Variants in SEC14L3 observed in about 807,000 individuals in gnomAD.
SEC14L3 encodes the protein SEC14-like protein 3.
SEC14L3 carries 56 observed loss-of-function variants against 57.4 expected under a neutral mutation model. That is an observed-to-expected ratio of 0.97 (90% CI 0.79 to 1.22). SEC14L3 has a LOEUF of 1.22. Ranked by LOEUF, SEC14L3 falls within the 50% of genes most tolerant of loss-of-function variation. The pLI is 0.00. For missense variants in SEC14L3, 485 were observed against 511.7 expected (o/e 0.95, Z 0.50); for synonymous variants, 173 against 194.4 (o/e 0.89, Z 0.92).
rs770647142 is a variant in SEC14L3 at position 30,460,026 on chromosome 22, C to T, written c.1198G>A (p.Val400Ile). ...CTGAGAAATGAGGGAGCCACCTAGACAGGGGTGAGCTCCTTATCATATTTC... is the reference window on the plus strand; with the variant it reads ...CTGAGAAATGAGGGAGCCACCTAGATAGGGGTGAGCTCCTTATCATATTTC... ...MQKYDKELTP[V>I] Residue 400 changes from valine to isoleucine, a missense_variant, in exon 12 of 12, where the codon GTC becomes ATC. Val to Ile is a conservative substitution (Grantham distance 29). Coordinates refer to ENST00000215812, the MANE Select transcript of SEC14L3 (RefSeq NM_174975.5). 1.9e-6 allele frequency: 3 copies of T among 1,614,052 alleles called. No individual in the cohort carries two copies. The South Asian group carries it at 3.3e-5, about 18-fold the overall frequency.
At chr22:30,448,989 A>T in exon 13 of SEC14L3, 7 of 1,160,534 alleles carry the variant, frequency 6.0e-6, no homozygotes, top group Non-Finnish European at 6.2e-6. Flanking sequence ...GCAGCATGGC[A>T]AGGCGGTCAG....
At chr22:30,465,770 A>G (rs1464221865) in intron 7 of SEC14L3, among the ~76,000 whole-genome samples, 1 of 152,208 alleles carries the variant, frequency 6.6e-6, no homozygotes, top group Non-Finnish European at 1.5e-5. Flanking sequence ...CAAGCAACCA[A>G]CTGGCCAGTC....
At chr22:30,469,973 G>A (rs759930770) in intron 4 of SEC14L3, 46 bp downstream of exon 4, 12 of 1,418,266 alleles carry the variant, frequency 8.5e-6, no homozygotes, top group Non-Finnish European at 9.6e-6. Flanking sequence ...GTGACCTTGA[G>A]TGGTACGTCC....
intron 5 of SEC14L3, among the ~76,000 whole-genome samples, chr22:30,468,281 GCA>G (rs1491323466): frequency 2.2e-4 from 18 of 81,856 alleles, no homozygotes; most frequent in African/African-American, 6.9e-4. Flanking sequence ...TCTGTCTCAA[GCA>G]AAAAAAAAAA....
rs755857818 is a variant in SEC14L3, at chr22:30,462,093, A to C, written c.764T>G (p.Leu255Ter). ...LTDPDGNPKC[L>*]TKINYGGEIP... ...GGGAAGGGCTCTTTGTACCTTGGTT[A>C]AACATTTGGGGTTCCCATCTGGGTC... The change falls in exon 9 of 12, where the codon TTA becomes TGA. Residue 255 changes from leucine (L) to a stop codon, truncating the protein, a stop_gained. Transcript: ENST00000215812. LOFTEE classifies it high-confidence loss of function. The C allele has an allele frequency of 1.2e-6, 2 of 1,613,962 alleles. No homozygotes were observed. Among genetic ancestry groups the C allele is most frequent in the Non-Finnish European group, 1.7e-6 (2 of 1,179,990 alleles).
intron 7 of SEC14L3, among the ~76,000 whole-genome samples, chr22:30,465,985 G>A (rs1053608231): frequency 1.3e-5 from 2 of 152,206 alleles, no homozygotes; most frequent in African/African-American, 4.8e-5. Context: ...AAAGCAGGAT[G>A]AGCACAAATA....
In SEC14L3 at chr22:30,462,212, A is replaced by T; in HGVS notation, c.665-20T>A. 3.1e-5 allele frequency: 49 copies of T among 1,603,676 alleles called. No homozygotes were observed. The highest frequency in any genetic ancestry group is 4.2e-5 in the Non-Finnish European group (49 of 1,174,446). The stretch of plus-strand genomic sequence containing the variant: ...AGTTATCTGGGAGCAGTGGGATTCA[A>T]GGGTGGTTAGCAAGCATGGGGGGCA... On this transcript the variant is annotated intron_variant, in intron 8 of 11. Coordinates refer to ENST00000215812, the MANE Select transcript of SEC14L3 (RefSeq NM_174975.5).
At chr22:30,448,708 C>CAAAA in exon 13 of SEC14L3, 1 of 150,858 alleles carries the variant, frequency 6.6e-6, no homozygotes, top group Non-Finnish European at 1.4e-5. Flanking sequence ...TCATCTCTAC[C>CAAAA]AAAAAAAAAA....
At position 30,462,193 on chromosome 22, in the gene SEC14L3, C is replaced by T. The variant is rs1469396110; in HGVS notation, c.665-1G>A. The stretch of plus-strand genomic sequence containing the variant: ...TTCAGCAAACCTTCCTTCCAGTTAT[C>T]TGGGAGCAGTGGGATTCAAGGGTGG... On this transcript the variant is annotated splice_acceptor_variant, in intron 8 of 11. Transcript: ENST00000215812. LOFTEE classifies it high-confidence loss of function. The T allele has an allele frequency of 1.2e-6, 2 of 1,611,978 alleles. No individual in the cohort carries two copies. Among genetic ancestry groups the T allele is most frequent in the African/African-American group, 2.7e-5 (2 of 74,870 alleles).
chr22:30,462,027 G>T, intron 9 of SEC14L3, 59 bp downstream of exon 9: 2 of 1,537,548 alleles, frequency 1.3e-6, no homozygotes, highest in Non-Finnish European at 1.8e-6. Context: ...TGACTGAGTG[G>T]AAAGGGAATC....
intron 12 of SEC14L3, among the ~76,000 whole-genome samples, chr22:30,452,502 C>T (rs1290855975): frequency 6.6e-6 from 1 of 151,974 alleles, no homozygotes; most frequent in Admixed American, 6.6e-5. Flanking sequence ...CCTCAGCCTC[C>T]CAAAGTGCTG....
At chr22:30,454,930 AG>A (rs1341618060), downstream of SEC14L3, among the ~76,000 whole-genome samples, 4 of 31,352 alleles carry the variant, frequency 1.3e-4, no homozygotes, top group Non-Finnish European at 1.6e-4. Flanking sequence ...ATTATATAAT[AG>A]ATATATAATA....
chr22:30,463,694 T>C (rs1020956440), intron 8 of SEC14L3, among the ~76,000 whole-genome samples: 3 of 152,196 alleles, frequency 2.0e-5, no homozygotes, highest in Non-Finnish European at 4.4e-5. Context: ...GTGATCTGAC[T>C]ATCCTGCTTG....
intron 5 of SEC14L3, among the ~76,000 whole-genome samples, chr22:30,468,282 C>CA (rs1338425218): frequency 9.9e-5 from 14 of 141,216 alleles, no homozygotes; most frequent in South Asian, 7.4e-4. Context: ...CTGTCTCAAG[C>CA]AAAAAAAAAA....
At chr22:30,465,112 C>A (rs1935378375) in intron 7 of SEC14L3, 1 of 216,750 alleles carries the variant, frequency 4.6e-6, no homozygotes, top group Admixed American at 6.5e-5. Flanking sequence ...TGCAATGCAA[C>A]CATCAACCAA....
At chr22:30,466,830 GA>G in intron 6 of SEC14L3, 151 bp downstream of exon 6, 1 of 643,056 alleles carries the variant, frequency 1.6e-6, no homozygotes, top group Non-Finnish European at 2.6e-6. Context: ...GATCTTCTAG[GA>G]AAGGTATTAA....
rs968587870 is a variant in SEC14L3 at position 30,462,078 on chromosome 22, C to G, written c.771+8G>C. ...ACCTCTCTTGTCCCAGGGAAGGGCTCTTTGTACCTTGGTTAAACATTTGGG... is the reference window on the plus strand; with the variant it reads ...ACCTCTCTTGTCCCAGGGAAGGGCTGTTTGTACCTTGGTTAAACATTTGGG... On this transcript the variant is annotated splice_region_variant and intron_variant, in intron 9 of 11. Transcript: ENST00000215812. The G allele has an allele frequency of 2.5e-6, 4 of 1,613,668 alleles. No homozygotes were observed. The highest frequency in any genetic ancestry group is 2.7e-5 in the African/African-American group (2 of 74,914).
chr22:30,470,254 A>G lies in SEC14L3; in HGVS notation c.132T>C (p.Ala44=), dbSNP rs763621139. 1.2e-6 allele frequency: 2 copies of G among 1,613,184 alleles called. No homozygotes were observed. Among genetic ancestry groups the G allele is most frequent in the Non-Finnish European group, 1.7e-6 (2 of 1,179,668 alleles). The change falls in exon 3 of 12, where the codon GCT becomes GCC. Residue 44 remains alanine, a splice_region_variant and synonymous_variant. Transcript: ENST00000215812. ...DDYFLLRWLR[A]RNFDLQKSEA... ...CCGACTTCTGCAAGTCAAAATTCCG[A>G]GCTGTGGGAAAACAGAAGGAAGGTG...
chr22:30,462,312 C>G lies in SEC14L3; in HGVS notation c.665-120G>C, dbSNP rs868350568. 40 of 1,424,902 alleles carry G rather than the reference C, an allele frequency of 2.8e-5. 1 individual carries two copies. The Middle Eastern group carries it at 7.6e-4, about 27-fold the overall frequency. The allele number at this position is 1,424,902 out of a possible 1,614,324, so 88.3% of individuals were successfully genotyped here. ...CCTATAGGAGGTAGGCTGCCAGGAC[C>G]AATTCCCCAGTGTCCTAGGCCTGGG... On this transcript the variant is annotated intron_variant, in intron 8 of 11. Coordinates refer to ENST00000215812, the MANE Select transcript of SEC14L3 (RefSeq NM_174975.5).
Sources: gnomAD v4.1 joint callset for allele counts (sites outside exome capture counted in the v4.1 genomes callset) on GRCh38, gnomAD v4.1.1 for gene constraint, MANE v1.5 for transcripts, NCBI Gene and HGNC (gene_info 2026-07-23, HGNC 2026-07-21) for gene names.